Variants in PRKCQ observed in about 807,000 individuals in gnomAD.
The protein encoded by PRKCQ is protein kinase C theta type.
A neutral mutation model predicts 91.2 loss-of-function variants in PRKCQ; 41 were observed. That is an observed-to-expected ratio of 0.45 (90% CI 0.35 to 0.58). PRKCQ has a LOEUF of 0.58. PRKCQ is among the 20% of genes least tolerant of loss of function. The pLI is 0.00. For missense variants in PRKCQ, 673 were observed against 896.5 expected (o/e 0.75, Z 3.18); for synonymous variants, 307 against 316.9 (o/e 0.97, Z 0.33).
chr10:6,568,870 A>G (rs79577310), intron 1 of PRKCQ, among the ~76,000 whole-genome samples: 1 of 152,054 alleles, frequency 6.6e-6, no homozygotes, highest in Non-Finnish European at 1.5e-5. Flanking sequence ...TGATAAGGGG[A>G]AAAATCACAC....
intron 1 of PRKCQ, among the ~76,000 whole-genome samples, chr10:6,515,885 A>G (rs960290737): frequency 1.3e-5 from 2 of 152,202 alleles, no homozygotes; most frequent in Non-Finnish European, 2.9e-5. Flanking sequence ...AAATCCAGGA[A>G]TCTAGTCTAA....
chr10:6,446,753 T>G (rs1588669042), intron 15 of PRKCQ, among the ~76,000 whole-genome samples: 1 of 152,362 alleles, frequency 6.6e-6, no homozygotes, highest in South Asian at 2.1e-4. Context: ...TGCCTCATTG[T>G]GATCTCTTCT....
chr10:6,417,589 A>G, the PRKCQ span, among the ~76,000 whole-genome samples: 5 of 152,244 alleles, frequency 3.3e-5, no homozygotes, highest in African/African-American at 1.2e-4. Flanking sequence ...CTGTTGATCC[A>G]TCCATGCTTG....
At chr10:6,569,774 G>A (rs1298358300) in intron 1 of PRKCQ, among the ~76,000 whole-genome samples, 1 of 152,180 alleles carries the variant, frequency 6.6e-6, no homozygotes, top group Non-Finnish European at 1.5e-5. Flanking sequence ...AGCAGGTGAT[G>A]TCTATGCCAG....
chr10:6,438,752 T>A (rs971461772), intron 16 of PRKCQ, among the ~76,000 whole-genome samples: 1 of 152,144 alleles, frequency 6.6e-6, no homozygotes, highest in Non-Finnish European at 1.5e-5. Context: ...CCAGCCACCC[T>A]ACCTGGCTAA....
chr10:6,464,483 T>C (rs563976855), intron 12 of PRKCQ, 79 bp from the exon 13 acceptor site: 33 of 1,238,704 alleles, frequency 2.7e-5, no homozygotes, highest in African/African-American at 9.0e-5. Flanking sequence ...AGGGTCTCAC[T>C]CTGTCTCCCA....
At chr10:6,489,452 T>G (rs1010249515) in intron 8 of PRKCQ, 2 of 532,108 alleles carry the variant, frequency 3.8e-6, no homozygotes, top group African/African-American at 3.9e-5. Flanking sequence ...GGATGACTAT[T>G]TTCTTGGGAA....
chr10:6,478,462 T>G (rs1836392233), intron 12 of PRKCQ, among the ~76,000 whole-genome samples: 1 of 152,162 alleles, frequency 6.6e-6, no homozygotes, highest in African/African-American at 2.4e-5. Flanking sequence ...GGCACAGCCT[T>G]CTGGCAAATT....
intron 7 of PRKCQ, among the ~76,000 whole-genome samples, chr10:6,494,251 T>C (rs1258285480): frequency 6.6e-6 from 1 of 152,104 alleles, no homozygotes; most frequent in Non-Finnish European, 1.5e-5. Context: ...CAGGGACCAG[T>C]CTCCACCAGA....
chr10:6,542,672 G>A (rs1370265620), intron 1 of PRKCQ, among the ~76,000 whole-genome samples: 3 of 152,120 alleles, frequency 2.0e-5, no homozygotes, highest in African/African-American at 4.8e-5. Flanking sequence ...CCATGTCTCC[G>A]TGTTAGATTC....
At chr10:6,404,827 CCTT>C in the PRKCQ span, among the ~76,000 whole-genome samples, 303 of 132,924 alleles carry the variant, frequency 2.3e-3, no homozygotes, top group African/African-American at 8.0e-3. Context: ...TTCTTTCTTT[CCTT>C]CTTTCTTTCT....
intron 12 of PRKCQ, 94 bp downstream of exon 12, chr10:6,478,898 G>T (rs1836420616): frequency 7.4e-7 from 1 of 1,354,786 alleles, no homozygotes; most frequent in East Asian, 2.3e-5. Flanking sequence ...AAATATGGAG[G>T]CAATGACTCG....
intron 1 of PRKCQ, among the ~76,000 whole-genome samples, chr10:6,553,849 G>T (rs559812947): frequency 1.3e-5 from 2 of 152,084 alleles, no homozygotes; most frequent in Non-Finnish European, 2.9e-5. Flanking sequence ...TTTAGTCAAG[G>T]TTATCCCTGG....
chr10:6,560,472 A>T (rs1458138935), intron 1 of PRKCQ, among the ~76,000 whole-genome samples: 1 of 152,158 alleles, frequency 6.6e-6, no homozygotes, highest in Admixed American at 6.5e-5. Flanking sequence ...ACTGGCTGGG[A>T]GGCAGCGCAT....
At chr10:6,483,989 T>C (rs1456200140) in intron 10 of PRKCQ, among the ~76,000 whole-genome samples, 1 of 152,252 alleles carries the variant, frequency 6.6e-6, no homozygotes, top group African/African-American at 2.4e-5. Context: ...TGATTTTCAA[T>C]TGTTTGCATG....
chr10:6,567,016 A>G (rs72783729), intron 1 of PRKCQ, among the ~76,000 whole-genome samples: 11,619 of 152,262 alleles, frequency 0.076, 593 homozygotes, highest in Middle Eastern at 0.19. Flanking sequence ...TCCTCAATCC[A>G]AGGTTCCGTC....
At position 6,427,842 on chromosome 10, in the gene PRKCQ, C is replaced by G; in HGVS notation, c.*365G>C. 1 of 251,944 alleles carries G rather than the reference C, an allele frequency of 4.0e-6. No homozygotes were observed. The highest frequency in any genetic ancestry group is 7.8e-6 in the Non-Finnish European group (1 of 127,856). The allele number at this position is 251,944 out of a possible 1,614,324, so 15.6% of individuals were successfully genotyped here. A position where few individuals can be genotyped will look rare whatever the true frequency, so the allele number is the denominator to read the frequency against. On this transcript the variant is annotated 3_prime_UTR_variant, in exon 18 of 18. Coordinates refer to ENST00000263125, the MANE Select transcript of PRKCQ (RefSeq NM_006257.5). ...GTCTGTACTCCGTTTGCCCCTGATT[C>G]AACAAGCATTTCATTGATCAGCAGT...
chr10:6,405,521 T>C, the PRKCQ span, among the ~76,000 whole-genome samples: 3 of 152,190 alleles, frequency 2.0e-5, no homozygotes, highest in Non-Finnish European at 4.4e-5. Flanking sequence ...CCCAGTGCTA[T>C]TGGCATTTTC....
chr10:6,414,918 T>C, the PRKCQ span, among the ~76,000 whole-genome samples: 1 of 152,062 alleles, frequency 6.6e-6, no homozygotes, highest in African/African-American at 2.4e-5. Flanking sequence ...AAAGAAATAA[T>C]GGCCTCCAAC....
Sources: allele counts gnomAD v4.1 joint callset (sites outside exome capture counted in the v4.1 genomes callset), GRCh38; gene constraint gnomAD v4.1.1; transcripts MANE v1.5; gene names NCBI Gene and HGNC (gene_info 2026-07-23, HGNC 2026-07-21).